KIRREL3: variants seen among roughly 807,000 people sequenced by gnomAD.
The protein encoded by KIRREL3 is kin of IRRE-like protein 3.
In KIRREL3, 36 loss-of-function variants were observed where a neutral mutation model predicts 89.7. The observed-to-expected ratio is 0.40, with a 90% confidence interval of 0.31 to 0.53. The LOEUF (loss-of-function observed/expected upper bound fraction) is 0.53, where lower values mean the gene tolerates loss of function less well. Among genes scored for constraint, KIRREL3 ranks in the 20% least tolerant of loss-of-function variants. The pLI, the probability that KIRREL3 is intolerant of heterozygous loss-of-function variation, is 0.49. For missense variants in KIRREL3, 864 were observed against 1,056.6 expected (o/e 0.82, Z 2.53); for synonymous variants, 445 against 441.4 (o/e 1.01, Z -0.10).
At chr11:126,765,922 C>T (rs1949810359) in intron 1 of KIRREL3, among the ~76,000 whole-genome samples, 1 of 152,168 alleles carries the variant, frequency 6.6e-6, no homozygotes, top group Admixed American at 6.5e-5. Flanking sequence ...CCTCCCTTCC[C>T]CCCATAATCA....
In KIRREL3 at chr11:126,780,157, G is replaced by C. The variant is rs1436279828; in HGVS notation, c.56-217245C>G. On this transcript the variant is annotated intron_variant, in intron 1 of 16. Coordinates refer to ENST00000525144, the MANE Select transcript of KIRREL3 (RefSeq NM_032531.4). The surrounding 1 kb of genome is among the most constrained non-coding windows in gnomAD (Gnocchi z 5.3). ...GAAGCACAGGGGAGAGACAAGCGGG[G>C]AGAAATTCAGGTTCAATGAAAGGAA... Among the ~76,000 whole-genome samples the C allele has an allele frequency of 6.6e-6, 1 of 152,174 alleles. No homozygotes were observed. Among genetic ancestry groups the C allele is most frequent in the African/African-American group, 2.4e-5 (1 of 41,448 alleles).
At position 126,743,513 on chromosome 11, in the gene KIRREL3, C is replaced by A. The variant is rs150796976; in HGVS notation, c.56-180601G>T. Among the ~76,000 whole-genome samples the A allele has an allele frequency of 1.9e-3, 288 of 152,316 alleles. 5 individuals are homozygous for A. The highest frequency in any genetic ancestry group is 3.8e-4 in the Non-Finnish European group (26 of 68,024). ...GGTACTGGGAATATAATTGTGAATG[C>A]ATATTGAATGCAAAGCACTATATAA... On this transcript the variant is annotated intron_variant, in intron 1 of 16. Coordinates refer to ENST00000525144, the MANE Select transcript of KIRREL3 (RefSeq NM_032531.4).
intron 1 of KIRREL3, among the ~76,000 whole-genome samples, chr11:126,988,720 G>T (rs1182908517): frequency 6.6e-6 from 1 of 152,110 alleles, no homozygotes; most frequent in African/African-American, 2.4e-5. Flanking sequence ...TCGGCAAATG[G>T]GTCTAAGGAT....
chr11:126,563,069 A>G lies in KIRREL3; in HGVS notation c.56-157T>C, dbSNP rs1940249063. ...TGGAAATTGTTATGTTCCAGGCATAAGTTTAAGCCAGCAATTCTTCATTTT... is the reference window on the plus strand; with the variant it reads ...TGGAAATTGTTATGTTCCAGGCATAGGTTTAAGCCAGCAATTCTTCATTTT... On this transcript the variant is annotated intron_variant, in intron 1 of 16. Transcript: ENST00000525144. This position sits in a 1 kb window ranked among gnomAD's most constrained non-coding sequence, Gnocchi z 6.8. 6.6e-6 allele frequency among the ~76,000 whole-genome samples: 1 copy of G among 152,222 alleles called. No individual in the cohort carries two copies. Among genetic ancestry groups the G allele is most frequent in the African/African-American group, 2.4e-5 (1 of 41,454 alleles).
At chr11:126,845,142 A>C (rs1944097168) in intron 1 of KIRREL3, among the ~76,000 whole-genome samples, 1 of 152,170 alleles carries the variant, frequency 6.6e-6, no homozygotes, top group South Asian at 2.1e-4. Flanking sequence ...TACTAAGCAG[A>C]GTGCCAGTGT....
rs117857924 is a variant in KIRREL3 at position 126,578,467 on chromosome 11, T to C, written c.56-15555A>G. 5.9e-4 allele frequency among the ~76,000 whole-genome samples: 90 copies of C among 152,340 alleles called. 1 individual carries two copies. In the East Asian group the frequency reaches 0.015, roughly 26 times the overall value. On this transcript the variant is annotated intron_variant, in intron 1 of 16. Transcript: ENST00000525144. The surrounding 1 kb of genome is among the most constrained non-coding windows in gnomAD (Gnocchi z 4.9). The stretch of plus-strand genomic sequence containing the variant: ...ACGTGACTCCGTGCCTACCTGCTAA[T>C]AAGAGCGGGAGTGTGGATTGTGCAC...
At chr11:126,923,297 CT>C (rs1283950165) in intron 1 of KIRREL3, among the ~76,000 whole-genome samples, 2,778 of 107,962 alleles carry the variant, frequency 0.026, 382 homozygotes, top group East Asian at 0.14. Flanking sequence ...CCTTCTCCTT[CT>C]TCCTTCTCCT....
rs991515405 is a variant in KIRREL3 at position 126,496,060 on chromosome 11, T to C, written c.434-22594A>G. The stretch of plus-strand genomic sequence containing the variant: ...GACCCCAGCCCCTCCTATGTCTGAT[T>C]GCAGAGATCCAGAACCATTCAGCTA... On this transcript the variant is annotated intron_variant, in intron 4 of 16. Transcript: ENST00000525144. This position sits in a 1 kb window ranked among gnomAD's most constrained non-coding sequence, Gnocchi z 4.9. Among the ~76,000 whole-genome samples, 121 of 152,302 alleles carry C rather than the reference T, an allele frequency of 7.9e-4. 1 individual carries two copies. The highest frequency in any genetic ancestry group is 2.9e-3 in the African/African-American group (119 of 41,560).
Position 126,923,197 on chromosome 11 carries a change from T to TCTTCTCTTCTTCTTCTTCTA in KIRREL3, c.55+77257_55+77258insTAGAAGAAGAAGAAGAGAAG, listed in dbSNP as rs1565423254. Among the ~76,000 whole-genome samples, 61 of 8,814 alleles carry TCTTCTCTTCTTCTTCTTCTA rather than the reference T, an allele frequency of 6.9e-3. 15 individuals carry two copies. Among genetic ancestry groups the TCTTCTCTTCTTCTTCTTCTA allele is most frequent in the African/African-American group, 0.028 (20 of 726 alleles). 5.8% of individuals were successfully genotyped at this position (8,814 alleles called of 152,430 possible). ...TCTTCTCTTCTTCTTCTCTTCTTCTTCTTCTTCTTCTTCTTCTTCTTCTTC... is the reference window on the plus strand; with the variant it reads ...TCTTCTCTTCTTCTTCTCTTCTTCTTCTTCTCTTCTTCTTCTTCTACTTCTTCTTCTTCTTCTTCTTCTTC... On this transcript the variant is annotated intron_variant, in intron 1 of 16. Coordinates refer to ENST00000525144, the MANE Select transcript of KIRREL3 (RefSeq NM_032531.4).
chr11:126,545,401 C>T lies in KIRREL3; in HGVS notation c.133+17434G>A, dbSNP rs369239312. On this transcript the variant is annotated intron_variant, in intron 2 of 16. Coordinates refer to ENST00000525144, the MANE Select transcript of KIRREL3 (RefSeq NM_032531.4). ...TGCACTGCCCCATCTGTCCTTGCTG[C>T]TTTCAGGGGTGGGAGGTGTTCAGTC... Among the ~76,000 whole-genome samples the T allele has an allele frequency of 5.9e-5, 9 of 152,186 alleles. No individual in the cohort carries two copies. In the East Asian group the frequency reaches 7.7e-4, roughly 13 times the overall value.
chr11:126,648,406 C>G (rs752641987), intron 1 of KIRREL3, among the ~76,000 whole-genome samples: 2 of 152,176 alleles, frequency 1.3e-5, no homozygotes, highest in African/African-American at 2.4e-5. Context: ...ATGTCCTGTC[C>G]TCGGTCCCTC....
chr11:126,857,693 C>T (rs1944567214), intron 1 of KIRREL3, among the ~76,000 whole-genome samples: 1 of 150,726 alleles, frequency 6.6e-6, no homozygotes, highest in South Asian at 2.1e-4. Context: ...TTCCAGACCT[C>T]AGAGTCAACC....
At position 126,640,404 on chromosome 11, in the gene KIRREL3, C is replaced by T. The variant is rs1036580875; in HGVS notation, c.56-77492G>A. ...CGCACACACAGAATTAAAAGGCATCCTCATCCGGAACTAGCAAACAGACTG... is the reference window on the plus strand; with the variant it reads ...CGCACACACAGAATTAAAAGGCATCTTCATCCGGAACTAGCAAACAGACTG... On this transcript the variant is annotated intron_variant, in intron 1 of 16. Coordinates refer to ENST00000525144, the MANE Select transcript of KIRREL3 (RefSeq NM_032531.4). This position sits in a 1 kb window ranked among gnomAD's most constrained non-coding sequence, Gnocchi z 4.9. Among the ~76,000 whole-genome samples the T allele has an allele frequency of 3.9e-5, 6 of 152,164 alleles. No homozygotes were observed. The highest frequency in any genetic ancestry group is 5.9e-5 in the Non-Finnish European group (4 of 68,032).
At position 126,883,363 on chromosome 11, in the gene KIRREL3, C is replaced by T. The variant is rs146839739; in HGVS notation, c.55+117092G>A. On this transcript the variant is annotated intron_variant, in intron 1 of 16. Transcript: ENST00000525144. The surrounding 1 kb of genome is among the most constrained non-coding windows in gnomAD (Gnocchi z 4.1). ...TTATAGCCTCTTCCCAACAAATGCT[C>T]ATTGTCGCACTTCCTGTCACCTCTC... is the stretch of plus-strand genomic sequence containing the variant. Among the ~76,000 whole-genome samples, 919 of 152,262 alleles carry T rather than the reference C, an allele frequency of 6.0e-3. 8 individuals carry two copies. The highest frequency in any genetic ancestry group is 0.02 in the African/African-American group (826 of 41,548).
At chr11:126,524,529 A>G (rs757425227) in intron 3 of KIRREL3, among the ~76,000 whole-genome samples, 1 of 152,244 alleles carries the variant, frequency 6.6e-6, no homozygotes, top group Non-Finnish European at 1.5e-5. Flanking sequence ...CTGTAGATTT[A>G]TGAGATAATG....
At chr11:126,745,507 A>C (rs965439534) in intron 1 of KIRREL3, among the ~76,000 whole-genome samples, 5 of 146,454 alleles carry the variant, frequency 3.4e-5, no homozygotes, top group Admixed American at 6.8e-5. Flanking sequence ...AAAAAAAAAA[A>C]CAAAACCCAA....
At chr11:126,478,695 G>T (rs1466881439) in intron 4 of KIRREL3, among the ~76,000 whole-genome samples, 2 of 152,126 alleles carry the variant, frequency 1.3e-5, no homozygotes, top group African/African-American at 2.4e-5. Context: ...GCATGTAGAT[G>T]TACATGTGTG....
In KIRREL3 at chr11:126,726,122, T is replaced by A. The variant is rs1948370396; in HGVS notation, c.56-163210A>T. ...CTAACCCCCTGTGTCCCGAAGTGGG[T>A]CTCTAAGGCCCTTCTGTGGAACCCT... is the stretch of plus-strand genomic sequence containing the variant. On this transcript the variant is annotated intron_variant, in intron 1 of 16. Coordinates refer to ENST00000525144, the MANE Select transcript of KIRREL3 (RefSeq NM_032531.4). Among the ~76,000 whole-genome samples, 3 of 151,992 alleles carry A rather than the reference T, an allele frequency of 2.0e-5. No homozygotes were observed. The South Asian group carries it at 6.2e-4, about 32-fold the overall frequency.
At chr11:126,737,209 G>T (rs58608937) in intron 1 of KIRREL3, among the ~76,000 whole-genome samples, 253 of 152,250 alleles carry the variant, frequency 1.7e-3, no homozygotes, top group African/African-American at 5.8e-3. Flanking sequence ...CTGGGCTGGG[G>T]CCTGGCCTCA....
Sources: gnomAD v4.1 joint callset for allele counts (sites outside exome capture counted in the v4.1 genomes callset) on GRCh38, gnomAD v4.1.1 for gene constraint, Gnocchi (gnomAD v3.1) non-coding constraint, MANE v1.5 for transcripts, NCBI Gene and HGNC (gene_info 2026-07-23, HGNC 2026-07-21) for gene names.